Variants in PAFAH2 observed in about 807,000 individuals in gnomAD.
PAFAH2 encodes platelet activating factor acetylhydrolase 2, also known as platelet-activating factor acetylhydrolase 2, cytoplasmic.
Under a neutral mutation model 49.0 loss-of-function variants are expected in PAFAH2, and 42 were observed. The observed-to-expected ratio is 0.86, with a 90% CI of 0.67 to 1.11. PAFAH2 has a LOEUF of 1.11. PAFAH2 is among the 50% of genes least tolerant of loss of function. The pLI, the probability that PAFAH2 is intolerant of heterozygous loss-of-function variation, is 0.00. For synonymous variants in PAFAH2, 184 were observed against 181.3 expected, an observed-to-expected ratio of 1.01 and a Z score of -0.12; for missense variants, 503 against 501.8, an observed-to-expected ratio of 1.00 and a Z score of -0.02.
At chr1:25,985,977 T>G (rs1288736355) in intron 4 of PAFAH2, among the ~76,000 whole-genome samples, 1 of 152,230 alleles carries the variant, frequency 6.6e-6, no homozygotes, top group Non-Finnish European at 1.5e-5. Context: ...ATTCATTCAA[T>G]AAATACTTAT....
chr1:25,976,577 CAGTCCCTAAACAGTGCCAA>C, intron 8 of PAFAH2, 86 bp downstream of exon 8: 3 of 726,590 alleles, frequency 4.1e-6, no homozygotes, highest in Non-Finnish European at 7.0e-6. Context: ...GCTGAATCCT[CAGTCCCTAAACAGTGCCAA>C]GAATATAGTA....
At chr1:25,982,338 C>T in intron 7 of PAFAH2, 26 bp downstream of exon 7, 3 of 1,519,624 alleles carry the variant, frequency 2.0e-6, no homozygotes, top group Non-Finnish European at 2.7e-6. Context: ...ATACTGGGCT[C>T]TAGGTCATAC....
intron 7 of PAFAH2, among the ~76,000 whole-genome samples, chr1:25,977,251 G>A (rs56289563): frequency 0.54 from 80,573 of 149,534 alleles, 24,587 homozygotes; most frequent in East Asian, 0.7. Flanking sequence ...CGCCCGCCTC[G>A]GCCTCCCAAA....
intron 8 of PAFAH2, among the ~76,000 whole-genome samples, chr1:25,975,609 CCT>C (rs1350691456): frequency 3.3e-5 from 5 of 151,826 alleles, no homozygotes; most frequent in African/African-American, 4.8e-5. Context: ...ACCTGGATTT[CCT>C]CTCTTTCCTT....
chr1:25,968,058 C>T (rs548588525), intron 10 of PAFAH2, among the ~76,000 whole-genome samples: 20 of 152,074 alleles, frequency 1.3e-4, no homozygotes, highest in Admixed American at 9.2e-4. Context: ...CCCAGCTACT[C>T]GGGAGGCTGA....
At chr1:25,977,524 G>A (rs78186327) in intron 7 of PAFAH2, among the ~76,000 whole-genome samples, 29,835 of 151,198 alleles carry the variant, frequency 0.2, 3,807 homozygotes, top group Non-Finnish European at 0.27. Context: ...GCATGGTGGC[G>A]TGCAAGTATG....
At chr1:25,990,636 C>A in intron 2 of PAFAH2, 91 bp downstream of exon 2, 1 of 1,059,684 alleles carries the variant, frequency 9.4e-7, no homozygotes, top group Non-Finnish European at 1.4e-6. Flanking sequence ...ATTTTCCCCA[C>A]CGTGGGAATA....
At chr1:25,979,814 TG>T (rs1187014190) in intron 7 of PAFAH2, among the ~76,000 whole-genome samples, 13 of 151,910 alleles carry the variant, frequency 8.6e-5, no homozygotes, top group Non-Finnish European at 1.9e-4. Flanking sequence ...TTAGTAGAAA[TG>T]GGGTTTCGCC....
rs918035153 is a variant in PAFAH2, at chr1:25,960,024, C to A, written c.*1965G>T. 1 of 152,104 alleles carries A rather than the reference C, an allele frequency of 6.6e-6. No individual in the cohort carries two copies. Among genetic ancestry groups the A allele is most frequent in the Non-Finnish European group, 1.5e-5 (1 of 68,034 alleles). 9.4% of individuals were successfully genotyped at this position (152,104 alleles called of 1,614,324 possible). ...CCTCCTAACTATTCATAACGCAGAC[C>A]CTCATTTTAGAAACGCAGGAGCTGA... On this transcript the variant is annotated 3_prime_UTR_variant, in exon 11 of 11. Coordinates refer to ENST00000374282, the MANE Select transcript of PAFAH2 (RefSeq NM_000437.4).
At chr1:25,981,405 T>C (rs984547332) in intron 7 of PAFAH2, among the ~76,000 whole-genome samples, 1 of 151,914 alleles carries the variant, frequency 6.6e-6, no homozygotes. Context: ...ATGAAGAATG[T>C]ATCTTCATAA....
At chr1:25,977,642 G>A (rs547084031) in intron 7 of PAFAH2, among the ~76,000 whole-genome samples, 107 of 135,196 alleles carry the variant, frequency 7.9e-4, no homozygotes, top group African/African-American at 2.9e-3. Flanking sequence ...GTGAGAGTGA[G>A]ACCCTGTCTC....
At chr1:25,965,104 GC>G (rs1169626390) in intron 10 of PAFAH2, among the ~76,000 whole-genome samples, 1 of 151,976 alleles carries the variant, frequency 6.6e-6, no homozygotes, top group Non-Finnish European at 1.5e-5. Flanking sequence ...CAGAAATAAA[GC>G]CCCCATACCT....
chr1:25,995,847 T>C (rs1024878845), intron 1 of PAFAH2, among the ~76,000 whole-genome samples: 14 of 152,230 alleles, frequency 9.2e-5, no homozygotes, highest in Non-Finnish European at 1.8e-4. Context: ...CCCCATATAG[T>C]TGGGACTCAA....
intron 10 of PAFAH2, among the ~76,000 whole-genome samples, chr1:25,971,868 C>T (rs908098800): frequency 6.6e-6 from 1 of 152,130 alleles, no homozygotes; most frequent in Non-Finnish European, 1.5e-5. Flanking sequence ...CTTTAAAACA[C>T]TTCCATAAAT....
At chr1:25,964,888 G>A (rs1220825436) in intron 10 of PAFAH2, among the ~76,000 whole-genome samples, 2 of 151,908 alleles carry the variant, frequency 1.3e-5, no homozygotes, top group African/African-American at 2.4e-5. Context: ...AACTACCAAC[G>A]CCATTTTTTA....
chr1:25,981,136 T>C (rs1023749976), intron 7 of PAFAH2, among the ~76,000 whole-genome samples: 29 of 152,054 alleles, frequency 1.9e-4, no homozygotes, highest in African/African-American at 6.8e-4. Context: ...AAAATATTAA[T>C]TGGCATAAGA....
chr1:25,975,921 T>C (rs2049581314), intron 8 of PAFAH2, among the ~76,000 whole-genome samples: 1 of 152,138 alleles, frequency 6.6e-6, no homozygotes, highest in African/African-American at 2.4e-5. Flanking sequence ...CAGATGACCC[T>C]GTGATCTGGC....
Position 25,982,414 on chromosome 1 carries a change from G to A in PAFAH2, c.616C>T (p.Gln206Ter), listed in dbSNP as rs779666481. Residue 206 changes from glutamine (Q) to a stop codon, truncating the protein, a stop_gained, in exon 7 of 11, where the codon CAG becomes TAG. Transcript: ENST00000374282. LOFTEE classifies it high-confidence loss of function. ...CCAGGCAAGATGTTGAAGACAGTCT[G>A]CCCAGCAGTGACCTCTTGCAGGATC... ...LKILQEVTAGQTVFNILPGGL... is the reference protein window; with the variant it reads ...LKILQEVTAG The A allele has an allele frequency of 6.2e-7, 1 of 1,614,086 alleles. No homozygotes were observed. Among genetic ancestry groups the A allele is most frequent in the Non-Finnish European group, 8.5e-7 (1 of 1,180,018 alleles).
At chr1:25,967,977 C>T (rs1399470369) in intron 10 of PAFAH2, among the ~76,000 whole-genome samples, 1 of 151,934 alleles carries the variant, frequency 6.6e-6, no homozygotes. Flanking sequence ...TCCAGCCTGG[C>T]CAACATGGCA....
Sources: gnomAD v4.1 joint callset for allele counts (sites outside exome capture counted in the v4.1 genomes callset) on GRCh38, gnomAD v4.1.1 for gene constraint, MANE v1.5 for transcripts, NCBI Gene and HGNC (gene_info 2026-07-23, HGNC 2026-07-21) for gene names.